Variants in COL19A1 observed in about 807,000 individuals in gnomAD.
COL19A1 encodes the protein collagen alpha-1(XIX) chain.
A neutral mutation model predicts 190.2 loss-of-function variants in COL19A1; 159 were observed. The observed-to-expected ratio is 0.84, with a 90% CI of 0.73 to 0.95. COL19A1 has a LOEUF of 0.95. COL19A1 is among the 40% of genes least tolerant of loss of function. The pLI, the probability that COL19A1 is intolerant of heterozygous loss-of-function variation, is 0.00. For synonymous variants in COL19A1, 509 were observed against 458.9 expected, an observed-to-expected ratio of 1.11 and a Z score of -1.39; for missense variants, 1,418 against 1,431.9, an observed-to-expected ratio of 0.99 and a Z score of 0.16.
At chr6:70,192,533 G>A (rs16868641) in intron 48 of COL19A1, among the ~76,000 whole-genome samples, 7,390 of 149,908 alleles carry the variant, frequency 0.049, 195 homozygotes, top group Non-Finnish European at 0.06. Flanking sequence ...ATCAAACATT[G>A]TGGACTAGAC....
Position 70,209,221 on chromosome 6 carries a change from C to T in COL19A1, c.*1947C>T, listed in dbSNP as rs140293017. ...CTTTTAATTTGTTGAATTTTCTAAA[C>T]GCTTACAACTTATCTGCCACTCATA... On this transcript the variant is annotated 3_prime_UTR_variant, in exon 51 of 51. Transcript: ENST00000620364. 18 of 152,564 alleles carry T rather than the reference C, an allele frequency of 1.2e-4. No homozygotes were observed. The highest frequency in any genetic ancestry group is 2.1e-4 in the South Asian group (1 of 4,828). The allele number at this position is 152,564 out of a possible 1,614,324, so 9.5% of individuals were successfully genotyped here. A position where few individuals can be genotyped will look rare whatever the true frequency, so the allele number is the denominator to read the frequency against.
intron 11 of COL19A1, among the ~76,000 whole-genome samples, chr6:70,023,387 C>T (rs1469790739): frequency 1.3e-5 from 2 of 152,064 alleles, no homozygotes; most frequent in Admixed American, 6.6e-5. Flanking sequence ...CCACCGGCCT[C>T]GGCCTCCCAA....
chr6:69,971,429 A>G (rs1242569530), intron 11 of COL19A1, among the ~76,000 whole-genome samples: 2 of 152,318 alleles, frequency 1.3e-5, no homozygotes, highest in South Asian at 2.1e-4. Flanking sequence ...TAAAGAGGCC[A>G]TGCAGAAAAA....
chr6:70,042,679 T>C (rs1779690175), intron 14 of COL19A1, among the ~76,000 whole-genome samples: 1 of 152,206 alleles, frequency 6.6e-6, no homozygotes, highest in Non-Finnish European at 1.5e-5. Context: ...GTGATGCTGT[T>C]TAGTAGCATT....
intron 2 of COL19A1, among the ~76,000 whole-genome samples, chr6:69,897,428 A>T (rs1286321552): frequency 6.6e-6 from 1 of 151,208 alleles, no homozygotes; most frequent in East Asian, 1.9e-4. Context: ...CTGTAGTTTC[A>T]TGTAAATTTG....
At chr6:70,041,277 T>G (rs1779622207) in intron 14 of COL19A1, among the ~76,000 whole-genome samples, 1 of 152,236 alleles carries the variant, frequency 6.6e-6, no homozygotes, top group Non-Finnish European at 1.5e-5. Context: ...CTAACAACTA[T>G]TTTGTTAACA....
chr6:70,029,206 A>C (rs1433004409), intron 12 of COL19A1, among the ~76,000 whole-genome samples: 1 of 152,170 alleles, frequency 6.6e-6, no homozygotes, highest in Non-Finnish European at 1.5e-5. Flanking sequence ...GAAAAGAATT[A>C]ATTGATGGGT....
intron 4 of COL19A1, among the ~76,000 whole-genome samples, chr6:69,914,181 G>A: frequency 6.6e-6 from 1 of 152,094 alleles, no homozygotes; most frequent in Non-Finnish European, 1.5e-5. Flanking sequence ...TCCAAGCTTT[G>A]TTTTCCCATT....
intron 1 of COL19A1, among the ~76,000 whole-genome samples, chr6:69,869,727 G>A (rs545360646): frequency 1.3e-5 from 2 of 152,256 alleles, no homozygotes; most frequent in African/African-American, 4.8e-5. Context: ...GAATGGTACC[G>A]GAAAAGTTGA....
rs1267851572 is a variant in COL19A1 at position 70,156,326 on chromosome 6, G to A, written c.2195G>A (p.Gly732Glu). Residue 732 changes from glycine (G) to glutamate (E), a missense_variant, in exon 33 of 51, where the codon GGG becomes GAG. Transcript: ENST00000620364. ...YDSMARKGDI[G>E]PRGPPGIPGR... ...TCCTCTGTCTTCTAGGGTGATATAG[G>A]GCCACGGGGTCCTCCAGGAATCCCA... The A allele has an allele frequency of 1.9e-6, 3 of 1,613,112 alleles. No individual in the cohort carries two copies. The highest frequency in any genetic ancestry group is 2.5e-6 in the Non-Finnish European group (3 of 1,179,566).
At chr6:70,002,700 G>A (rs905648261) in intron 11 of COL19A1, among the ~76,000 whole-genome samples, 1 of 150,468 alleles carries the variant, frequency 6.6e-6, no homozygotes, top group African/African-American at 2.4e-5. Flanking sequence ...TTTCTGTGGG[G>A]GTCAGTGGTG....
intron 11 of COL19A1, among the ~76,000 whole-genome samples, chr6:69,964,635 T>A (rs1284810593): frequency 6.6e-6 from 1 of 152,200 alleles, no homozygotes; most frequent in African/African-American, 2.4e-5. Context: ...AGGATTTTCC[T>A]TGTGGTTCCA....
intron 16 of COL19A1, among the ~76,000 whole-genome samples, chr6:70,109,061 G>T (rs1784132449): frequency 6.6e-6 from 1 of 152,056 alleles, no homozygotes; most frequent in Admixed American, 6.6e-5. Context: ...TACAGATAAG[G>T]TCTCTACCTT....
intron 9 of COL19A1, among the ~76,000 whole-genome samples, chr6:69,944,328 T>C (rs1773655259): frequency 6.6e-6 from 1 of 152,100 alleles, no homozygotes; most frequent in Non-Finnish European, 1.5e-5. Flanking sequence ...AGCCTATACA[T>C]AGAACAACAC....
chr6:70,095,405 AT>A (rs1783188405), intron 15 of COL19A1, among the ~76,000 whole-genome samples: 1 of 152,188 alleles, frequency 6.6e-6, no homozygotes, highest in African/African-American at 2.4e-5. Context: ...ATTATCTAAC[AT>A]TTTTATATAA....
At chr6:70,187,121 C>A (rs1286693908) in intron 46 of COL19A1, among the ~76,000 whole-genome samples, 1 of 152,162 alleles carries the variant, frequency 6.6e-6, no homozygotes, top group Non-Finnish European at 1.5e-5. Context: ...CTCAGGTGAT[C>A]TGCCCACCTC....
intron 2 of COL19A1, 140 bp downstream of exon 2, chr6:69,879,798 T>A: frequency 1.3e-6 from 1 of 761,978 alleles, no homozygotes; most frequent in Non-Finnish European, 2.1e-6. Context: ...CTTTCTTCCA[T>A]TGATCTTCCC....
At chr6:70,130,589 G>T (rs980567816) in intron 18 of COL19A1, among the ~76,000 whole-genome samples, 1 of 152,210 alleles carries the variant, frequency 6.6e-6, no homozygotes, top group Non-Finnish European at 1.5e-5. Flanking sequence ...ACATTCCCAC[G>T]TAGGGGGCAG....
At chr6:69,965,190 C>T (rs1775022096) in intron 11 of COL19A1, among the ~76,000 whole-genome samples, 1 of 152,158 alleles carries the variant, frequency 6.6e-6, no homozygotes, top group African/African-American at 2.4e-5. Flanking sequence ...TTTAATTACC[C>T]TACTGTGGCC....
Sources: gnomAD v4.1 joint callset for allele counts (sites outside exome capture counted in the v4.1 genomes callset) on GRCh38, gnomAD v4.1.1 for gene constraint, MANE v1.5 for transcripts, NCBI Gene and HGNC (gene_info 2026-07-23, HGNC 2026-07-21) for gene names.